The following VPS13B variants were observed in gnomAD, a reference collection of about 807,000 sequenced individuals.
VPS13B encodes the protein vacuolar protein sorting 13 homolog B, also known as intermembrane lipid transfer protein VPS13B.
A neutral mutation model predicts 426.4 loss-of-function variants in VPS13B; 285 were observed. That is an observed-to-expected ratio of 0.67 (90% CI 0.61 to 0.74). The LOEUF (loss-of-function observed/expected upper bound fraction) is 0.74. Ranked by LOEUF, VPS13B falls within the 30% of genes least tolerant of loss-of-function variation. The probability of loss-of-function intolerance (pLI) is 0.00; values close to 1 mark genes in which losing one functional copy is unlikely to be tolerated. For synonymous variants in VPS13B, 1,676 were observed against 1,676.4 expected (o/e 1.00, Z 0.01); for missense variants, 4,537 against 4,782.6 (o/e 0.95, Z 1.51).
At chr8:99,221,166 A>G (rs1189058534) in intron 17 of VPS13B, among the ~76,000 whole-genome samples, 5 of 135,444 alleles carry the variant, frequency 3.7e-5, no homozygotes, top group African/African-American at 1.1e-4. Flanking sequence ...TATGTGCCAC[A>G]TTTTCTTAAT....
intron 21 of VPS13B, among the ~76,000 whole-genome samples, chr8:99,421,108 CAT>C (rs2133380556): frequency 6.6e-6 from 1 of 152,216 alleles, no homozygotes; most frequent in East Asian, 1.9e-4. Flanking sequence ...TTTCCTTAAT[CAT>C]GTGTCTTGTG....
intron 27 of VPS13B, among the ~76,000 whole-genome samples, chr8:99,506,619 A>G (rs2133623245): frequency 6.6e-6 from 1 of 152,320 alleles, no homozygotes; most frequent in Admixed American, 6.5e-5. Flanking sequence ...GCACTTTGGG[A>G]GGCCAAGGCA....
At chr8:99,356,823 A>G (rs892463759) in intron 19 of VPS13B, among the ~76,000 whole-genome samples, 2 of 152,212 alleles carry the variant, frequency 1.3e-5, no homozygotes, top group African/African-American at 4.8e-5. Context: ...GCAAACTTAT[A>G]GACTGAATAC....
intron 28 of VPS13B, among the ~76,000 whole-genome samples, chr8:99,510,321 G>A (rs1441273136): frequency 1.3e-5 from 2 of 152,162 alleles, no homozygotes; most frequent in Admixed American, 1.3e-4. Flanking sequence ...CCTATCTAGT[G>A]AAGGTAATCA....
intron 35 of VPS13B, among the ~76,000 whole-genome samples, chr8:99,693,241 A>C (rs1831771869): frequency 6.6e-6 from 1 of 151,130 alleles, no homozygotes. Context: ...AGACACAACC[A>C]AAAAAGAGAA....
chr8:99,286,469 G>A (rs1485948700), intron 19 of VPS13B, among the ~76,000 whole-genome samples: 1 of 152,146 alleles, frequency 6.6e-6, no homozygotes, highest in African/African-American at 2.4e-5. Context: ...TTGTTGATCA[G>A]TAATATCAAA....
chr8:99,393,937 C>T (rs549979252), intron 21 of VPS13B, among the ~76,000 whole-genome samples: 196 of 152,120 alleles, frequency 1.3e-3, no homozygotes, highest in Non-Finnish European at 1.8e-3. Flanking sequence ...GTACATACAT[C>T]TAAATGTAGT....
intron 19 of VPS13B, among the ~76,000 whole-genome samples, chr8:99,299,251 C>T (rs773740041): frequency 3.3e-5 from 5 of 151,444 alleles, no homozygotes; most frequent in Non-Finnish European, 7.4e-5. Flanking sequence ...TTAGTAGAGA[C>T]GGGGTTTCAC....
intron 33 of VPS13B, among the ~76,000 whole-genome samples, chr8:99,604,667 T>C (rs989983492): frequency 2.6e-5 from 4 of 151,204 alleles, no homozygotes; most frequent in African/African-American, 9.7e-5. Flanking sequence ...GCCCGGCTAA[T>C]TTTTTTTTGT....
At chr8:99,794,679 CTG>C (rs1465215490) in intron 43 of VPS13B, among the ~76,000 whole-genome samples, 2 of 152,158 alleles carry the variant, frequency 1.3e-5, no homozygotes, top group African/African-American at 4.8e-5. Flanking sequence ...TCATTTTGTA[CTG>C]TCTTTATCTC....
chr8:99,019,050 G>C (rs1274189273), intron 2 of VPS13B, among the ~76,000 whole-genome samples: 1 of 151,776 alleles, frequency 6.6e-6, no homozygotes, highest in Non-Finnish European at 1.5e-5. Flanking sequence ...TGATTACCTG[G>C]TTTTGAATGT....
chr8:99,100,252 A>G (rs1417070318), intron 4 of VPS13B, among the ~76,000 whole-genome samples: 3 of 152,046 alleles, frequency 2.0e-5, no homozygotes, highest in Non-Finnish European at 4.4e-5. Flanking sequence ...ATTCATCTCA[A>G]TTTGTATGTC....
chr8:99,018,893 A>T (rs182413797), intron 2 of VPS13B, among the ~76,000 whole-genome samples: 46 of 152,270 alleles, frequency 3.0e-4, no homozygotes, highest in Middle Eastern at 3.4e-3. Flanking sequence ...CATTGTTTTC[A>T]AATCTAAACC....
At position 99,819,917 on chromosome 8, in the gene VPS13B, A is replaced by T. The variant is rs1158582777; in HGVS notation, c.8793-4A>T. On this transcript the variant is annotated splice_polypyrimidine_tract_variant and splice_region_variant and intron_variant, in intron 48 of 61. Coordinates refer to ENST00000357162, the MANE Select transcript of VPS13B (RefSeq NM_152564.5). The stretch of plus-strand genomic sequence containing the variant: ...GAGTCTCTTGGATGTGGTTTTTGGA[A>T]CAGGAATGAACAGCTAAGTCAGTGG... 22 of 1,613,896 alleles carry T rather than the reference A, an allele frequency of 1.4e-5. No individual in the cohort carries two copies. In the South Asian group the frequency reaches 2.4e-4, roughly 18 times the overall value.
At chr8:99,601,462 G>A (rs553822477) in intron 33 of VPS13B, among the ~76,000 whole-genome samples, 3 of 152,172 alleles carry the variant, frequency 2.0e-5, no homozygotes, top group East Asian at 1.9e-4. Flanking sequence ...ATAAACATAC[G>A]TGTGCATGTG....
intron 35 of VPS13B, among the ~76,000 whole-genome samples, chr8:99,668,886 C>T (rs1036255850): frequency 5.3e-5 from 8 of 152,162 alleles, no homozygotes; most frequent in African/African-American, 1.9e-4. Flanking sequence ...GAACAGTCCA[C>T]AGCAGGTTAA....
At chr8:99,353,609 A>G (rs947214587) in intron 19 of VPS13B, among the ~76,000 whole-genome samples, 1 of 151,988 alleles carries the variant, frequency 6.6e-6, no homozygotes, top group East Asian at 1.9e-4. Flanking sequence ...TTTCAAAAAA[A>G]AAAAAAAAAC....
intron 29 of VPS13B, among the ~76,000 whole-genome samples, chr8:99,513,805 G>C (rs966890859): frequency 6.6e-6 from 1 of 152,080 alleles, no homozygotes; most frequent in Non-Finnish European, 1.5e-5. Flanking sequence ...ATATCAGTGT[G>C]TTGTTTTTTT....
intron 42 of VPS13B, among the ~76,000 whole-genome samples, chr8:99,783,444 A>G (rs567740038): frequency 4.0e-4 from 61 of 152,220 alleles, no homozygotes; most frequent in Non-Finnish European, 7.5e-4. Context: ...TACCAAAAGT[A>G]TGTTTATTCT....
Sources: allele counts gnomAD v4.1 joint callset (sites outside exome capture counted in the v4.1 genomes callset), GRCh38; gene constraint gnomAD v4.1.1; transcripts MANE v1.5; gene names NCBI Gene and HGNC (gene_info 2026-07-23, HGNC 2026-07-21).